The following SLC5A1 variants were observed in gnomAD, a reference collection of about 807,000 sequenced individuals.
SLC5A1 encodes the protein sodium/glucose cotransporter 1.
SLC5A1 carries 42 observed loss-of-function variants against 73.5 expected under a neutral mutation model. The observed-to-expected ratio is 0.57, with a 90% CI of 0.45 to 0.74. The LOEUF is 0.74. SLC5A1 is among the 30% of genes least tolerant of loss of function. The pLI is 0.00. For missense variants in SLC5A1, 634 were observed against 855.4 expected (o/e 0.74, Z 3.23); for synonymous variants, 300 against 317.4 (o/e 0.95, Z 0.58).
intron 11 of SLC5A1, among the ~76,000 whole-genome samples, chr22:32,098,920 TA>T (rs1019938066): frequency 1.2e-4 from 18 of 150,900 alleles, no homozygotes; most frequent in East Asian, 9.8e-4. Context: ...CCGTCTCTAC[TA>T]AAAAAATACA....
At chr22:32,072,440 A>G (rs1438400011) in intron 5 of SLC5A1, among the ~76,000 whole-genome samples, 1 of 151,986 alleles carries the variant, frequency 6.6e-6, no homozygotes, top group Non-Finnish European at 1.5e-5. Flanking sequence ...TATGTGCCAC[A>G]TTTTCTTTAT....
In SLC5A1 at chr22:32,086,287, C is replaced by T. The variant is rs762644179; in HGVS notation, c.1089C>T (p.Asn363=). 2.4e-5 allele frequency: 38 copies of T among 1,613,784 alleles called. No homozygotes were observed. The highest frequency in any genetic ancestry group is 3.3e-5 in the Admixed American group (2 of 60,008). The stretch of plus-strand genomic sequence containing the variant: ...GCGGTACCAAGGTTGGCTGTACCAA[C>T]ATCGCCTATCCAACCTTAGTGGTGG... ...KYCGTKVGCT[N]IAYPTLVVEL... The change falls in exon 10 of 15, where the codon AAC becomes AAT. Residue 363 remains asparagine (N), a synonymous_variant. Transcript: ENST00000266088.
In SLC5A1 at chr22:32,112,135, C is replaced by T. The variant is rs2094058230; in HGVS notation, c.*1922C>T. 5 of 152,268 alleles carry T rather than the reference C, an allele frequency of 3.3e-5. No homozygotes were observed. The highest frequency in any genetic ancestry group is 3.4e-3 in the Middle Eastern group (1 of 294). 9.4% of individuals were successfully genotyped at this position (152,268 alleles called of 1,614,324 possible). A position where few individuals can be genotyped will look rare whatever the true frequency, so the allele number is the denominator to read the frequency against. ...CTGGCTCACAGATTTAAATGTTATA[C>T]ATTGACAGCATTTATCAGTATAACA... On this transcript the variant is annotated 3_prime_UTR_variant, in exon 15 of 15. Transcript: ENST00000266088.
rs1489337330 is a variant in SLC5A1 at position 32,053,878 on chromosome 22, T to C, written c.207+3864T>C. On this transcript the variant is annotated intron_variant, in intron 2 of 14. Transcript: ENST00000266088. ...GGGATGCCTATCATGATTATCATCA[T>C]TATAATTGTTTCTCAGCCGGGTGCG... 2.0e-5 allele frequency among the ~76,000 whole-genome samples: 3 copies of C among 152,322 alleles called. No individual in the cohort carries two copies. The East Asian group carries it at 5.8e-4, about 29-fold the overall frequency.
intron 5 of SLC5A1, among the ~76,000 whole-genome samples, chr22:32,071,299 A>C (rs2093982499): frequency 6.6e-6 from 1 of 152,126 alleles, no homozygotes; most frequent in African/African-American, 2.4e-5. Context: ...AAAAAATAAA[A>C]AATATTAGCC....
intron 10 of SLC5A1, among the ~76,000 whole-genome samples, chr22:32,090,915 A>T (rs1198119340): frequency 6.6e-6 from 1 of 152,074 alleles, no homozygotes; most frequent in Non-Finnish European, 1.5e-5. Context: ...TCTGTTTTTT[A>T]AAAATTTATT....
chr22:32,083,992 G>T (rs1306424258), intron 7 of SLC5A1, among the ~76,000 whole-genome samples: 1 of 152,200 alleles, frequency 6.6e-6, no homozygotes, highest in Non-Finnish European at 1.5e-5. Flanking sequence ...GTCCAGGAGT[G>T]GTAGGTGTGG....
intron 5 of SLC5A1, among the ~76,000 whole-genome samples, chr22:32,081,632 G>A (rs1169355983): frequency 6.6e-6 from 1 of 152,188 alleles, no homozygotes; most frequent in East Asian, 1.9e-4. Context: ...TCCCTCCCTG[G>A]GGATGACTGT....
intron 2 of SLC5A1, among the ~76,000 whole-genome samples, chr22:32,060,154 C>CAT (rs2093959579): frequency 1.5e-4 from 6 of 40,602 alleles, no homozygotes; most frequent in Admixed American, 4.1e-4. Flanking sequence ...TACACACACA[C>CAT]ACACACACAC....
chr22:32,046,353 G>A (rs2093937143), intron 1 of SLC5A1, among the ~76,000 whole-genome samples: 1 of 146,128 alleles, frequency 6.8e-6, no homozygotes, highest in South Asian at 2.2e-4. Context: ...TCCTGGTGGT[G>A]CTGAATTCCT....
rs2094032086 is a variant in SLC5A1 at position 32,099,146 on chromosome 22, A to G, written c.1281-37A>G. Reference sequence around the variant, plus strand: ...TATATATATATACTCATGTAGAGCTATTTATTGACACCTTGTTGTGGGGGC... The same window carrying G: ...TATATATATATACTCATGTAGAGCTGTTTATTGACACCTTGTTGTGGGGGC... On this transcript the variant is annotated intron_variant, in intron 11 of 14. Coordinates refer to ENST00000266088, the MANE Select transcript of SLC5A1 (RefSeq NM_000343.4). The G allele has an allele frequency of 3.9e-6, 5 of 1,272,400 alleles. 1 individual carries two copies. Among genetic ancestry groups the G allele is most frequent in the South Asian group, 2.4e-5 (2 of 84,508 alleles). 78.8% of individuals were successfully genotyped at this position (1,272,400 alleles called of 1,614,324 possible).
intron 3 of SLC5A1, among the ~76,000 whole-genome samples, chr22:32,067,356 T>TATTATTATTA (rs879755326): frequency 0.053 from 6,259 of 118,244 alleles, 188 homozygotes; most frequent in Non-Finnish European, 0.081. Context: ...TTATTATTAT[T>TATTATTATTA]TTTTTTAAAA....
At chr22:32,086,888 T>A (rs968898173) in intron 10 of SLC5A1, among the ~76,000 whole-genome samples, 4 of 152,052 alleles carry the variant, frequency 2.6e-5, no homozygotes, top group Non-Finnish European at 5.9e-5. Context: ...ATAAAGAAAA[T>A]GTAATATACA....
chr22:32,080,475 C>T (rs984286868), intron 5 of SLC5A1, among the ~76,000 whole-genome samples: 2 of 152,038 alleles, frequency 1.3e-5, no homozygotes, highest in African/African-American at 4.8e-5. Context: ...ACTGGAGGGC[C>T]CTCAGGAGCA....
rs140080714 is a variant in SLC5A1, at chr22:32,095,972, C to T, written c.1281-3211C>T. Among the ~76,000 whole-genome samples the T allele has an allele frequency of 1.5e-3, 228 of 152,242 alleles. 1 individual carries two copies. Among genetic ancestry groups the T allele is most frequent in the African/African-American group, 3.7e-3 (154 of 41,550 alleles). ...GGTCTGTGTTTGGGGGCGGATGATC[C>T]CCCTTTCCCACATTCACAGTTTGGG... is the stretch of plus-strand genomic sequence containing the variant. On this transcript the variant is annotated intron_variant, in intron 11 of 14. Transcript: ENST00000266088.
At chr22:32,057,941 A>G (rs2093954269) in intron 2 of SLC5A1, among the ~76,000 whole-genome samples, 1 of 152,168 alleles carries the variant, frequency 6.6e-6, no homozygotes, top group Non-Finnish European at 1.5e-5. Flanking sequence ...CAGCTCTGGA[A>G]TTGTTGTTCC....
At chr22:32,047,995 T>C (rs1179348798) in intron 1 of SLC5A1, among the ~76,000 whole-genome samples, 1 of 151,838 alleles carries the variant, frequency 6.6e-6, no homozygotes, top group Non-Finnish European at 1.5e-5. Flanking sequence ...ACCCTGTCTC[T>C]ACAAAAATTA....
chr22:32,080,823 GTC>G (rs2093998620), intron 5 of SLC5A1, among the ~76,000 whole-genome samples: 1 of 152,086 alleles, frequency 6.6e-6, no homozygotes, highest in Non-Finnish European at 1.5e-5. Flanking sequence ...GTGAAATCCT[GTC>G]TCTACTAAAA....
Position 32,104,911 on chromosome 22 carries a change from A to G in SLC5A1, c.1771+20A>G, listed in dbSNP as rs749318793. The G allele has an allele frequency of 2.6e-6, 4 of 1,544,406 alleles. No individual in the cohort carries two copies. Among genetic ancestry groups the G allele is most frequent in the African/African-American group, 2.7e-5 (2 of 73,686 alleles). The stretch of plus-strand genomic sequence containing the variant: ...AAATAGGTGACTTATGACCCAGAGC[A>G]GATCCTAAACCATAAAAGTTACTCC... On this transcript the variant is annotated intron_variant, in intron 14 of 14. Coordinates refer to ENST00000266088, the MANE Select transcript of SLC5A1 (RefSeq NM_000343.4).
Sources: gnomAD v4.1 joint callset for allele counts (sites outside exome capture counted in the v4.1 genomes callset) on GRCh38, gnomAD v4.1.1 for gene constraint, MANE v1.5 for transcripts, NCBI Gene and HGNC (gene_info 2026-07-23, HGNC 2026-07-21) for gene names.